The following FNDC7 variants were observed in gnomAD, a reference collection of about 807,000 sequenced individuals.
The protein encoded by FNDC7 is fibronectin type III domain-containing protein 7.
A neutral mutation model predicts 74.2 loss-of-function variants in FNDC7; 66 were observed. That is an observed-to-expected ratio of 0.89 (90% confidence interval 0.73 to 1.09). The LOEUF (loss-of-function observed/expected upper bound fraction) is 1.09. Among genes scored for constraint, FNDC7 ranks in the 50% least tolerant of loss-of-function variants. FNDC7 has a pLI of 0.00. For missense variants in FNDC7, 829 were observed against 893.4 expected (o/e 0.93, Z 0.92); for synonymous variants, 307 against 330.2 (o/e 0.93, Z 0.76).
intron 4 of FNDC7, among the ~76,000 whole-genome samples, chr1:108,720,170 C>T (rs943359103): frequency 1.6e-4 from 25 of 152,188 alleles, no homozygotes; most frequent in South Asian, 6.2e-4. Context: ...CTTATCTTCC[C>T]CTCCTGTCCT....
chr1:108,722,619 TCGGG>T, intron 5 of FNDC7, 27 bp downstream of exon 5: 1 of 1,593,380 alleles, frequency 6.3e-7, no homozygotes, highest in East Asian at 2.2e-5. Flanking sequence ...GAGACTGCTG[TCGGG>T]CTTGCAGCCC....
chr1:108,727,917 T>C lies in FNDC7; in HGVS notation c.1221T>C (p.Asp407=). ...AACTGTATGAAACCAAGGCTGTAGA[T>C]GGGTACAACATGGTTGAGTGCAATG... ...GAELYETKAV[D]GYNMVECNDT... is the part of the protein sequence containing the mutation. The change falls in exon 7 of 13, where the codon GAT becomes GAC. Residue 407 remains aspartate, a synonymous_variant. Coordinates refer to ENST00000370017, the MANE Select transcript of FNDC7 (RefSeq NM_001144937.3). The C allele has an allele frequency of 6.2e-7, 1 of 1,614,182 alleles. No individual in the cohort carries two copies. The highest frequency in any genetic ancestry group is 8.5e-7 in the Non-Finnish European group (1 of 1,180,026).
At chr1:108,726,939 T>C (rs1224502366) in intron 6 of FNDC7, among the ~76,000 whole-genome samples, 1 of 151,978 alleles carries the variant, frequency 6.6e-6, no homozygotes, top group Non-Finnish European at 1.5e-5. Flanking sequence ...TCTTGAAGGA[T>C]GAATGGGAAT....
intron 8 of FNDC7, among the ~76,000 whole-genome samples, chr1:108,729,966 A>C (rs912380789): frequency 1.3e-5 from 2 of 152,276 alleles, no homozygotes; most frequent in East Asian, 3.8e-4. Context: ...TCAAGCTTTT[A>C]TATCAGTGAT....
Position 108,716,320 on chromosome 1 carries a change from G to GGTGTGTGTGT in FNDC7, c.83-1410_83-1401dup, listed in dbSNP as rs141850435. On this transcript the variant is annotated intron_variant, in intron 2 of 12. Transcript: ENST00000370017. ...TCATTAGCTTGGGGAGCAGAAGAGA[G>GGTGTGTGTGT]GTGTGTGTGTGTGTGTGTGTGTGTG... Among the ~76,000 whole-genome samples the GGTGTGTGTGT allele has an allele frequency of 7.5e-3, 720 of 95,704 alleles. 10 individuals are homozygous for GGTGTGTGTGT. The highest frequency in any genetic ancestry group is 9.3e-3 in the African/African-American group (243 of 26,192). The allele number at this position is 95,704 out of a possible 152,430, so 62.8% of individuals were successfully genotyped here. A position where few individuals can be genotyped will look rare whatever the true frequency, so the allele number is the denominator to read the frequency against.
intron 2 of FNDC7, among the ~76,000 whole-genome samples, chr1:108,715,662 T>C (rs1660955130): frequency 1.4e-5 from 2 of 147,214 alleles, no homozygotes; most frequent in African/African-American, 4.9e-5. Flanking sequence ...TGCGCGTGCG[T>C]GCGCGCGCGC....
intron 5 of FNDC7, among the ~76,000 whole-genome samples, chr1:108,725,213 A>G (rs1406197997): frequency 6.6e-6 from 1 of 152,198 alleles, no homozygotes; most frequent in East Asian, 1.9e-4. Context: ...TACTTATGTG[A>G]TCTTAGACAA....
In FNDC7 at chr1:108,727,913, T is replaced by A; in HGVS notation, c.1217T>A (p.Val406Glu). Residue 406 changes from valine to glutamate, a missense_variant, in exon 7 of 13, where the codon GTA (valine) becomes GAA (glutamate). Coordinates refer to ENST00000370017, the MANE Select transcript of FNDC7 (RefSeq NM_001144937.3). The stretch of plus-strand genomic sequence containing the variant: ...GCCGAACTGTATGAAACCAAGGCTG[T>A]AGATGGGTACAACATGGTTGAGTGC... The part of the protein sequence containing the change: ...RGAELYETKA[V>E]DGYNMVECND... 6.2e-7 allele frequency: 1 copy of A among 1,614,186 alleles called. No homozygotes were observed. The highest frequency in any genetic ancestry group is 2.2e-5 in the East Asian group (1 of 44,884).
chr1:108,738,620 C>A (rs1661571055), intron 11 of FNDC7, among the ~76,000 whole-genome samples: 1 of 147,268 alleles, frequency 6.8e-6, no homozygotes, highest in Non-Finnish European at 1.5e-5. Context: ...CCCGTAAACC[C>A]CACTGGACAG....
chr1:108,739,035 T>A (rs185226613), intron 11 of FNDC7, among the ~76,000 whole-genome samples: 1 of 152,030 alleles, frequency 6.6e-6, no homozygotes, highest in East Asian at 1.9e-4. Flanking sequence ...GTGTCCTAGG[T>A]CCCCAGGGGA....
In FNDC7 at chr1:108,727,994, A is replaced by G. The variant is rs894948919; in HGVS notation, c.1298A>G (p.Asn433Ser). 1 of 1,614,186 alleles carries G rather than the reference A, an allele frequency of 6.2e-7. No individual in the cohort carries two copies. Among genetic ancestry groups the G allele is most frequent in the Non-Finnish European group, 8.5e-7 (1 of 1,180,034 alleles). The change falls in exon 7 of 13, where the codon AAC becomes AGC. Residue 433 changes from asparagine (N) to serine (S), a missense_variant. Physicochemically the swap from Asn to Ser is conservative, Grantham distance 46. Coordinates refer to ENST00000370017, the MANE Select transcript of FNDC7 (RefSeq NM_001144937.3). ...GCTCTAGAGTGTGACACCAAGTACAACATCACAGTGTATTCATTCAATGAA... is the reference window on the plus strand; with the variant it reads ...GCTCTAGAGTGTGACACCAAGTACAGCATCACAGTGTATTCATTCAATGAA... ...LSALECDTKY[N>S]ITVYSFNEVR...
Position 108,733,547 on chromosome 1 carries a change from GAC to G in FNDC7, c.2140+17_2140+18del. ...AATATATTCAGGTAAAGCAAGTTATGACAGTTTATCTAAAACTAACCCTGAAC... is the reference window on the plus strand; with the variant it reads ...AATATATTCAGGTAAAGCAAGTTATGAGTTTATCTAAAACTAACCCTGAAC... On this transcript the variant is annotated intron_variant, in intron 10 of 12. Coordinates refer to ENST00000370017, the MANE Select transcript of FNDC7 (RefSeq NM_001144937.3). The G allele has an allele frequency of 6.2e-7, 1 of 1,608,474 alleles. No homozygotes were observed. The highest frequency in any genetic ancestry group is 8.5e-7 in the Non-Finnish European group (1 of 1,175,702).
Position 108,730,947 on chromosome 1 carries a change from T to C in FNDC7, c.1879+19T>C, listed in dbSNP as rs754053344. 6.3e-7 allele frequency: 1 copy of C among 1,593,612 alleles called. No homozygotes were observed. Among genetic ancestry groups the C allele is most frequent in the East Asian group, 2.2e-5 (1 of 44,654 alleles). Reference sequence around the variant, plus strand: ...TTCTCTGGTAAGTGAACTCTAGCTCTAGAGTAGCAGTAAGGACTTGACTAT... The same window carrying C: ...TTCTCTGGTAAGTGAACTCTAGCTCCAGAGTAGCAGTAAGGACTTGACTAT... On this transcript the variant is annotated intron_variant, in intron 9 of 12. Transcript: ENST00000370017.
chr1:108,721,552 C>A (rs1661092579), intron 4 of FNDC7, among the ~76,000 whole-genome samples: 1 of 152,226 alleles, frequency 6.6e-6, no homozygotes, highest in African/African-American at 2.4e-5. Context: ...ACTGTTTAAG[C>A]AGTTTCCTAA....
At chr1:108,720,660 G>C (rs1319865204) in intron 4 of FNDC7, among the ~76,000 whole-genome samples, 4 of 152,212 alleles carry the variant, frequency 2.6e-5, no homozygotes, top group Non-Finnish European at 2.9e-5. Flanking sequence ...CCTTCTGAGG[G>C]ATGTGAGGAA....
intron 3 of FNDC7, among the ~76,000 whole-genome samples, chr1:108,718,462 A>G (rs1023761862): frequency 6.6e-6 from 1 of 152,208 alleles, no homozygotes; most frequent in Admixed American, 6.5e-5. Flanking sequence ...ATATTTCTGA[A>G]AAGTTATGTG....
At chr1:108,741,879 A>G (rs966643637) in intron 12 of FNDC7, 38 bp downstream of exon 12, 1 of 1,479,546 alleles carries the variant, frequency 6.8e-7, no homozygotes, top group Non-Finnish European at 9.4e-7. Flanking sequence ...ATTTTATGGC[A>G]AAGTTTTTTG....
intron 4 of FNDC7, among the ~76,000 whole-genome samples, chr1:108,721,803 G>T (rs1024903227): frequency 6.6e-6 from 1 of 152,114 alleles, no homozygotes; most frequent in African/African-American, 2.4e-5. Flanking sequence ...AAGAAAATCT[G>T]CTCCTCTAGA....
chr1:108,730,954 G>A, intron 9 of FNDC7, 26 bp downstream of exon 9: 1 of 1,585,076 alleles, frequency 6.3e-7, no homozygotes, highest in Middle Eastern at 1.7e-4. Flanking sequence ...CTCTAGAGTA[G>A]CAGTAAGGAC....
Sources: gnomAD v4.1 joint callset for allele counts (sites outside exome capture counted in the v4.1 genomes callset) on GRCh38, gnomAD v4.1.1 for gene constraint, MANE v1.5 for transcripts, NCBI Gene and HGNC (gene_info 2026-07-23, HGNC 2026-07-21) for gene names.